The following DTNA variants were observed in gnomAD, a reference collection of about 807,000 sequenced individuals.
DTNA encodes dystrophin-related protein 3.
Under a neutral mutation model 100.7 loss-of-function variants are expected in DTNA, and 43 were observed. The ratio of observed to expected loss-of-function variants is 0.43; its 90% CI spans 0.33 to 0.55. The LOEUF is 0.55. Ranked by LOEUF, DTNA falls within the 20% of genes least tolerant of loss-of-function variation. The pLI is 0.04. For missense variants in DTNA, 798 were observed against 953.9 expected, an observed-to-expected ratio of 0.84 and a Z score of 2.15; for synonymous variants, 349 against 347.9, an observed-to-expected ratio of 1.00 and a Z score of -0.04.
chr18:34,589,331 G>A (rs1283992537), intron 1 of DTNA, among the ~76,000 whole-genome samples: 3 of 152,076 alleles, frequency 2.0e-5, no homozygotes, highest in South Asian at 4.1e-4. Flanking sequence ...GTATGAGCAC[G>A]TTTGTGTGTG....
chr18:34,872,848 G>A (rs181035894), intron 17 of DTNA, among the ~76,000 whole-genome samples: 31 of 152,326 alleles, frequency 2.0e-4, no homozygotes, highest in African/African-American at 7.2e-4. Context: ...AGATGGAAGC[G>A]TATGATGGCT....
rs1222441621 is a variant in DTNA, at chr18:34,752,766, G to T, written c.-1-3210G>T. On this transcript the variant is annotated intron_variant, in intron 1 of 22. Coordinates refer to ENST00000444659, the MANE Select transcript of DTNA (RefSeq NM_001386795.1). Reference sequence around the variant, plus strand: ...GGAAGTGAGAATTAATACCTATTGTGTAACTAATGATGGTTCTTTTACAAG... The same window carrying T: ...GGAAGTGAGAATTAATACCTATTGTTTAACTAATGATGGTTCTTTTACAAG... 2.0e-5 allele frequency among the ~76,000 whole-genome samples: 3 copies of T among 152,138 alleles called. No homozygotes were observed. In the East Asian group the frequency reaches 5.8e-4, roughly 29 times the overall value.
chr18:34,525,609 G>T (rs796572143), intron 1 of DTNA, among the ~76,000 whole-genome samples: 1 of 152,132 alleles, frequency 6.6e-6, no homozygotes, highest in Non-Finnish European at 1.5e-5. Flanking sequence ...TTAAAGGAGA[G>T]TATATTCCAC....
chr18:34,619,521 T>C (rs533673716), intron 1 of DTNA, among the ~76,000 whole-genome samples: 2 of 152,134 alleles, frequency 1.3e-5, no homozygotes, highest in Non-Finnish European at 2.9e-5. Context: ...AGGAGAAATT[T>C]AAGAGATACT....
At chr18:34,676,836 AAG>A (rs1209539910) in intron 1 of DTNA, among the ~76,000 whole-genome samples, 3 of 152,154 alleles carry the variant, frequency 2.0e-5, no homozygotes, top group Non-Finnish European at 2.9e-5. Flanking sequence ...CCTTGTCTCA[AAG>A]AGAGAGGGAG....
Position 34,513,311 on chromosome 18 carries a change from A to G in DTNA, c.-2+19797A>G, listed in dbSNP as rs1568566796. Among the ~76,000 whole-genome samples, 4 of 152,186 alleles carry G rather than the reference A, an allele frequency of 2.6e-5. No homozygotes were observed. The South Asian group carries it at 8.3e-4, about 31-fold the overall frequency. On this transcript the variant is annotated intron_variant, in intron 1 of 19. Transcript: ENST00000283365. ...ATGCTAATAGTAAACTTGACATAGA[A>G]TAGTTGCAAAACTAAATAGTTATGG...
At chr18:34,768,260 G>C (rs1031834443) in intron 3 of DTNA, among the ~76,000 whole-genome samples, 1 of 151,992 alleles carries the variant, frequency 6.6e-6, no homozygotes, top group Non-Finnish European at 1.5e-5. Flanking sequence ...TTTCAGGAGA[G>C]CTAGAGATTT....
intron 1 of DTNA, among the ~76,000 whole-genome samples, chr18:34,569,009 T>C (rs1302583378): frequency 6.6e-6 from 1 of 152,244 alleles, no homozygotes; most frequent in Non-Finnish European, 1.5e-5. Flanking sequence ...CATGTTACTA[T>C]GCTGAATCCA....
At chr18:34,764,909 G>C (rs543141232) in intron 2 of DTNA, among the ~76,000 whole-genome samples, 19 of 152,282 alleles carry the variant, frequency 1.2e-4, no homozygotes, top group East Asian at 9.6e-4. Context: ...ATGGAGAAAA[G>C]CAGACATTTA....
chr18:34,722,126 G>A (rs2085476607), intron 1 of DTNA, among the ~76,000 whole-genome samples: 1 of 151,984 alleles, frequency 6.6e-6, no homozygotes, highest in Non-Finnish European at 1.5e-5. Context: ...AATCCTTTGG[G>A]TTTAAATATT....
At chr18:34,594,499 T>G (rs2050185273) in intron 1 of DTNA, among the ~76,000 whole-genome samples, 1 of 152,232 alleles carries the variant, frequency 6.6e-6, no homozygotes, top group Non-Finnish European at 1.5e-5. Flanking sequence ...ACGCTGTTAT[T>G]ACAGAGTGCA....
chr18:34,604,970 A>G (rs1425659547), intron 1 of DTNA, among the ~76,000 whole-genome samples: 1 of 152,104 alleles, frequency 6.6e-6, no homozygotes. Context: ...GAATTTCTTG[A>G]AGGTCATTCA....
chr18:34,753,376 T>A (rs1310077948), intron 1 of DTNA, among the ~76,000 whole-genome samples: 30 of 93,012 alleles, frequency 3.2e-4, no homozygotes, highest in Non-Finnish European at 3.9e-4. Flanking sequence ...ATTTTTTTTT[T>A]TTTTTTATTT....
At position 34,774,413 on chromosome 18, in the gene DTNA, C is replaced by T. The variant is rs149014365; in HGVS notation, c.148+8372C>T. Among the ~76,000 whole-genome samples the T allele has an allele frequency of 7.7e-3, 1,171 of 152,320 alleles. 16 individuals carry two copies. Among genetic ancestry groups the T allele is most frequent in the African/African-American group, 0.027 (1,124 of 41,572 alleles). ...GGACAGGGATGGGAGAGCAGCTTCT[C>T]CCATGAAATCACACCTGAGATTCCA... On this transcript the variant is annotated intron_variant, in intron 3 of 22. Transcript: ENST00000444659.
At chr18:34,668,268 T>G (rs12953841) in intron 1 of DTNA, among the ~76,000 whole-genome samples, 16,448 of 152,094 alleles carry the variant, frequency 0.11, 1,275 homozygotes, top group African/African-American at 0.22. Context: ...GATTGGTGGT[T>G]ATAACCCCTT....
rs571364721 is a variant in DTNA at position 34,565,803 on chromosome 18, A to G, written c.-2+72289A>G. Among the ~76,000 whole-genome samples, 19 of 152,356 alleles carry G rather than the reference A, an allele frequency of 1.2e-4. No individual in the cohort carries two copies. In the South Asian group the frequency reaches 3.7e-3, roughly 30 times the overall value. ...TAAAGACTCTTTTCCCAAATACTGTAATATCCACAGGTATTGGATGGACTT... is the reference window on the plus strand; with the variant it reads ...TAAAGACTCTTTTCCCAAATACTGTGATATCCACAGGTATTGGATGGACTT... On this transcript the variant is annotated intron_variant, in intron 1 of 19. Transcript: ENST00000283365.
chr18:34,853,520 C>G (rs2096510739), intron 15 of DTNA, among the ~76,000 whole-genome samples: 2 of 152,036 alleles, frequency 1.3e-5, no homozygotes, highest in Admixed American at 1.3e-4. Flanking sequence ...GTCTTGAGAC[C>G]TGGCTGCCAT....
intron 3 of DTNA, among the ~76,000 whole-genome samples, chr18:34,767,283 C>T (rs746364664): frequency 6.6e-6 from 1 of 152,036 alleles, no homozygotes; most frequent in Non-Finnish European, 1.5e-5. Flanking sequence ...TTTCCTAGGG[C>T]CCTGGGCAGG....
chr18:34,820,990 T>C (rs1227775456), intron 9 of DTNA, 75 bp downstream of exon 9: 1 of 1,601,278 alleles, frequency 6.2e-7, no homozygotes, highest in East Asian at 2.2e-5. Flanking sequence ...CAAAAGCAAT[T>C]TCCTATCAGT....
Sources: allele counts gnomAD v4.1 joint callset (sites outside exome capture counted in the v4.1 genomes callset), GRCh38; gene constraint gnomAD v4.1.1; transcripts MANE v1.5; gene names NCBI Gene and HGNC (gene_info 2026-07-23, HGNC 2026-07-21).